Variants in PITPNB observed in about 807,000 individuals in gnomAD.
PITPNB encodes the protein phosphatidylinositol transfer protein beta isoform.
PITPNB carries 16 observed loss-of-function variants against 45.9 expected under a neutral mutation model. The ratio of observed to expected loss-of-function variants is 0.35; its 90% CI spans 0.24 to 0.53. The LOEUF (loss-of-function observed/expected upper bound fraction) is 0.53, where lower values mean the gene tolerates loss of function less well. Ranked by LOEUF, PITPNB falls within the 20% of genes least tolerant of loss-of-function variation. PITPNB has a pLI of 0.93. For synonymous variants in PITPNB, 112 were observed against 108.9 expected, an observed-to-expected ratio of 1.03 and a Z score of -0.18; for missense variants, 188 against 330.5, an observed-to-expected ratio of 0.57 and a Z score of 3.34.
chr22:27,870,058 T>C (rs527804920), intron 8 of PITPNB, among the ~76,000 whole-genome samples: 1 of 152,344 alleles, frequency 6.6e-6, no homozygotes, highest in Admixed American at 6.5e-5. Context: ...AACGGTGATC[T>C]AGGAGTCACT....
intron 7 of PITPNB, among the ~76,000 whole-genome samples, chr22:27,876,052 T>TA (rs1934811637): frequency 6.6e-6 from 1 of 152,182 alleles, no homozygotes; most frequent in Non-Finnish European, 1.5e-5. Context: ...AAGTGAACCT[T>TA]AAAGACCACC....
chr22:27,887,733 A>C (rs1601406034), intron 7 of PITPNB, among the ~76,000 whole-genome samples: 1 of 152,130 alleles, frequency 6.6e-6, no homozygotes, highest in African/African-American at 2.4e-5. Context: ...GGTATGGCAG[A>C]TGCATCCTAA....
chr22:27,886,381 A>G (rs766733939), intron 7 of PITPNB, among the ~76,000 whole-genome samples: 3 of 152,220 alleles, frequency 2.0e-5, no homozygotes, highest in African/African-American at 7.2e-5. Context: ...ATTTAAATAC[A>G]TATGATTTTT....
chr22:27,916,617 A>T (rs1352694581), intron 1 of PITPNB, among the ~76,000 whole-genome samples: 1 of 152,210 alleles, frequency 6.6e-6, no homozygotes, highest in Non-Finnish European at 1.5e-5. Flanking sequence ...CCTGGCCAGC[A>T]GGGTGAAACC....
At chr22:27,910,093 G>A (rs1427386265) in intron 3 of PITPNB, among the ~76,000 whole-genome samples, 1 of 151,854 alleles carries the variant, frequency 6.6e-6, no homozygotes, top group African/African-American at 2.4e-5. Flanking sequence ...TGGGACTATA[G>A]GCGTGCGCCA....
intron 3 of PITPNB, among the ~76,000 whole-genome samples, chr22:27,900,166 C>T (rs1935551618): frequency 6.6e-6 from 1 of 150,824 alleles, no homozygotes; most frequent in South Asian, 2.1e-4. Flanking sequence ...TGCCATTTCA[C>T]TCCAGCATGG....
intron 8 of PITPNB, among the ~76,000 whole-genome samples, chr22:27,861,597 C>T (rs777108462): frequency 3.9e-5 from 6 of 152,172 alleles, no homozygotes; most frequent in African/African-American, 1.4e-4. Flanking sequence ...TGAGCAAACA[C>T]AGGCATGGTC....
At chr22:27,895,677 A>C (rs1935411511) in intron 6 of PITPNB, among the ~76,000 whole-genome samples, 2 of 152,218 alleles carry the variant, frequency 1.3e-5, no homozygotes, top group Non-Finnish European at 2.9e-5. Context: ...ATTAAAATTC[A>C]AAGTTCTATT....
intron 7 of PITPNB, among the ~76,000 whole-genome samples, chr22:27,876,367 C>T (rs1241748390): frequency 6.6e-6 from 1 of 152,184 alleles, no homozygotes; most frequent in Admixed American, 6.5e-5. Flanking sequence ...CCCCTCTCTG[C>T]TTTTTCTCCT....
Position 27,896,646 on chromosome 22 carries a change from A to G in PITPNB, c.298-20T>C, listed in dbSNP as rs775408043. 4.6e-6 allele frequency: 7 copies of G among 1,523,846 alleles called. No homozygotes were observed. In the East Asian group the frequency reaches 1.6e-4, roughly 34 times the overall value. 94.4% of individuals were successfully genotyped at this position (1,523,846 alleles called of 1,614,324 possible). A position where few individuals can be genotyped will look rare whatever the true frequency, so the allele number is the denominator to read the frequency against. On this transcript the variant is annotated intron_variant, in intron 5 of 11. Coordinates refer to ENST00000335272, the MANE Select transcript of PITPNB (RefSeq NM_012399.5). ...TTCATTCTGCAGAAAACACAACAGG[A>G]AAATGACAGTGATCTTCTACCTGTT...
intron 7 of PITPNB, among the ~76,000 whole-genome samples, chr22:27,888,344 G>A (rs1165355718): frequency 6.6e-6 from 1 of 152,174 alleles, no homozygotes; most frequent in Non-Finnish European, 1.5e-5. Flanking sequence ...TTAATTCCTA[G>A]AAGCAGAATT....
At chr22:27,918,995 GGC>G (rs1936185553) in intron 1 of PITPNB, 175 bp downstream of exon 1, 1 of 882,764 alleles carries the variant, frequency 1.1e-6, no homozygotes, top group East Asian at 2.5e-5. Context: ...ATGCCTGGAG[GGC>G]CGAGGGGCGC....
chr22:27,907,815 T>C (rs1385663362), intron 3 of PITPNB, among the ~76,000 whole-genome samples: 1 of 152,084 alleles, frequency 6.6e-6, no homozygotes, highest in Non-Finnish European at 1.5e-5. Context: ...AGCTGTGACC[T>C]TGGGTAAATA....
intron 3 of PITPNB, among the ~76,000 whole-genome samples, chr22:27,909,077 A>G (rs2146423194): frequency 1.3e-5 from 2 of 152,302 alleles, no homozygotes; most frequent in South Asian, 4.1e-4. Flanking sequence ...AAACATGAGT[A>G]TGATTCATTT....
chr22:27,861,714 T>C (rs1294161250), intron 8 of PITPNB, among the ~76,000 whole-genome samples: 1 of 152,088 alleles, frequency 6.6e-6, no homozygotes, highest in African/African-American at 2.4e-5. Context: ...TCTGTAAACT[T>C]GAAGCCCCAG....
chr22:27,883,973 C>A (rs1292417699), intron 7 of PITPNB, among the ~76,000 whole-genome samples: 1 of 152,168 alleles, frequency 6.6e-6, no homozygotes, highest in Non-Finnish European at 1.5e-5. Context: ...GTGCCTGTGT[C>A]CTCTGGGGTA....
At chr22:27,893,525 T>C (rs1044741875) in intron 7 of PITPNB, among the ~76,000 whole-genome samples, 5 of 151,030 alleles carry the variant, frequency 3.3e-5, no homozygotes. Flanking sequence ...CCTCGTGATC[T>C]TCCTGCCTCA....
Position 27,854,822 on chromosome 22 carries a change from C to G in PITPNB, c.*38+32G>C, listed in dbSNP as rs730647. 2.6e-3 allele frequency: 3,633 copies of G among 1,405,762 alleles called. 9 individuals carry two copies. The highest frequency in any genetic ancestry group is 3.1e-3 in the Non-Finnish European group (3,106 of 997,022). 87.1% of individuals were successfully genotyped at this position (1,405,762 alleles called of 1,614,324 possible). ...CCCATCACCAAAAAGGTACAGGTTT[C>G]GAAACATCTTTTTACCCAGGTCTTC... On this transcript the variant is annotated intron_variant, in intron 11 of 11. Transcript: ENST00000335272.
At chr22:27,899,544 T>C (rs970066401) in intron 3 of PITPNB, among the ~76,000 whole-genome samples, 2 of 151,998 alleles carry the variant, frequency 1.3e-5, no homozygotes, top group African/African-American at 2.4e-5. Flanking sequence ...AGGGTGGTCT[T>C]CATCTCCTGA....
Sources: gnomAD v4.1 joint callset for allele counts (sites outside exome capture counted in the v4.1 genomes callset) on GRCh38, gnomAD v4.1.1 for gene constraint, MANE v1.5 for transcripts, NCBI Gene and HGNC (gene_info 2026-07-23, HGNC 2026-07-21) for gene names.